The following RUNX1 variants were observed in gnomAD, a reference collection of about 807,000 sequenced individuals.
The protein encoded by RUNX1 is RUNX family transcription factor 1, also known as runt-related transcription factor 1.
A neutral mutation model predicts 42.8 loss-of-function variants in RUNX1; 19 were observed. The ratio of observed to expected loss-of-function variants is 0.44; its 90% CI spans 0.31 to 0.65. RUNX1 has a LOEUF of 0.65. Ranked by LOEUF, RUNX1 falls within the 30% of genes least tolerant of loss-of-function variation. RUNX1 has a pLI of 0.07. For synonymous variants in RUNX1, 271 were observed against 289.4 expected, an observed-to-expected ratio of 0.94 and a Z score of 0.64; for missense variants, 528 against 672.0, an observed-to-expected ratio of 0.79 and a Z score of 2.37.
intron 2 of RUNX1, among the ~76,000 whole-genome samples, chr21:34,943,072 G>T (rs998365062): frequency 5.9e-5 from 9 of 152,124 alleles, no homozygotes; most frequent in African/African-American, 2.2e-4. Flanking sequence ...AGCAGTTGGG[G>T]GATATGGAAA....
At chr21:34,867,579 G>A (rs898223212) in intron 5 of RUNX1, among the ~76,000 whole-genome samples, 1 of 152,210 alleles carries the variant, frequency 6.6e-6, no homozygotes, top group Admixed American at 6.5e-5. Context: ...GAAAAGCTCA[G>A]GTTTGCAAAA....
At chr21:35,009,784 A>G (rs932285) in intron 2 of RUNX1, among the ~76,000 whole-genome samples, 27,460 of 152,190 alleles carry the variant, frequency 0.18, 3,026 homozygotes, top group African/African-American at 0.3. Context: ...GAAACTAAAT[A>G]CTTAAAGGGT....
chr21:34,975,977 T>C (rs2058798734), intron 2 of RUNX1, among the ~76,000 whole-genome samples: 2 of 152,148 alleles, frequency 1.3e-5, no homozygotes, highest in African/African-American at 2.4e-5. Flanking sequence ...TTGTGTTTTA[T>C]CTGCAGAAGA....
intron 7 of RUNX1, chr21:34,821,817 AAG>A: frequency 1.2e-6 from 1 of 818,812 alleles, no homozygotes; most frequent in South Asian, 3.0e-5. Flanking sequence ...GGAAATCAGG[AAG>A]AGATTCTGGA....
At chr21:34,914,384 T>C (rs1287116575) in intron 2 of RUNX1, among the ~76,000 whole-genome samples, 1 of 152,196 alleles carries the variant, frequency 6.6e-6, no homozygotes, top group African/African-American at 2.4e-5. Context: ...TCCTGACATT[T>C]TGGCTTCTGT....
chr21:34,816,282 G>A (rs575606725), intron 7 of RUNX1, among the ~76,000 whole-genome samples: 5 of 152,292 alleles, frequency 3.3e-5, no homozygotes, highest in South Asian at 4.1e-4. Context: ...GGCTAGGTTC[G>A]TGGGGGTCCT....
rs1014210992 is a variant in RUNX1 at position 34,875,287 on chromosome 21, C to T, written c.508+5270G>A. 7.2e-5 allele frequency among the ~76,000 whole-genome samples: 11 copies of T among 152,144 alleles called. No individual in the cohort carries two copies. The East Asian group carries it at 9.6e-4, about 13-fold the overall frequency. Reference sequence around the variant, plus strand: ...ATCCTTTTATTGGCAAATGTGAAACCGAAATGAGAAACTTGGTCTCTAGAG... The same window carrying T: ...ATCCTTTTATTGGCAAATGTGAAACTGAAATGAGAAACTTGGTCTCTAGAG... On this transcript the variant is annotated intron_variant, in intron 5 of 8. Coordinates refer to ENST00000675419, the MANE Select transcript of RUNX1 (RefSeq NM_001754.5).
intron 3 of RUNX1, chr21:34,888,160 G>A: frequency 9.4e-7 from 1 of 1,066,468 alleles, no homozygotes; most frequent in African/African-American, 1.6e-5. Context: ...GACTCGGGCA[G>A]CAGCGAGACG....
At chr21:34,905,958 T>G (rs553298563) in intron 2 of RUNX1, among the ~76,000 whole-genome samples, 1 of 152,220 alleles carries the variant, frequency 6.6e-6, no homozygotes, top group South Asian at 2.1e-4. Context: ...ATACCTCACA[T>G]AACTCCTCTA....
chr21:34,889,785 A>G, intron 3 of RUNX1: 1 of 1,140,338 alleles, frequency 8.8e-7, no homozygotes, highest in Non-Finnish European at 1.1e-6. Context: ...GTGCGCTGCC[A>G]ACTCCGACCC....
chr21:34,982,723 C>T (rs891710276), intron 2 of RUNX1, among the ~76,000 whole-genome samples: 3 of 152,078 alleles, frequency 2.0e-5, no homozygotes, highest in Non-Finnish European at 4.4e-5. Context: ...GCGCGTGCCA[C>T]AACACCCAGC....
chr21:34,995,122 C>A (rs1211287718), intron 2 of RUNX1, among the ~76,000 whole-genome samples: 2 of 152,156 alleles, frequency 1.3e-5, no homozygotes. Flanking sequence ...TGTTGGGGGA[C>A]TGAGGGGTGG....
Position 35,049,162 on chromosome 21 carries a change from G to C in RUNX1, c.-60+6C>G. ...GCCGCCTTGGCTGTGGGTTGGTGAT[G>C]CTCACCACGCTGCGAAACCCTGTGG... On this transcript the variant is annotated splice_donor_region_variant and intron_variant, in intron 1 of 8. Transcript: ENST00000675419. 2.1e-6 allele frequency: 1 copy of C among 482,948 alleles called. No individual in the cohort carries two copies. 29.9% of individuals were successfully genotyped at this position (482,948 alleles called of 1,614,324 possible).
At chr21:35,022,847 A>T (rs1207827896) in intron 2 of RUNX1, among the ~76,000 whole-genome samples, 2 of 151,492 alleles carry the variant, frequency 1.3e-5, no homozygotes, top group African/African-American at 2.4e-5. Flanking sequence ...GTGAGCCGAG[A>T]TCGCGCCAGT....
intron 2 of RUNX1, among the ~76,000 whole-genome samples, chr21:34,980,489 G>A (rs1476650894): frequency 1.3e-5 from 2 of 152,130 alleles, no homozygotes; most frequent in Non-Finnish European, 2.9e-5. Flanking sequence ...CACTTTTCCC[G>A]AAATCTCTCT....
chr21:34,953,955 C>T (rs1293885744), intron 2 of RUNX1, among the ~76,000 whole-genome samples: 1 of 152,194 alleles, frequency 6.6e-6, no homozygotes, highest in Non-Finnish European at 1.5e-5. Context: ...AGAAGTTGAG[C>T]TTAAGTGATG....
chr21:35,047,873 C>T (rs138712577), intron 2 of RUNX1, among the ~76,000 whole-genome samples: 13 of 152,324 alleles, frequency 8.5e-5, no homozygotes, highest in Admixed American at 1.3e-4. Flanking sequence ...CCGACGCACA[C>T]GGCAATGCCT....
chr21:34,890,164 C>G (rs2058063209), intron 3 of RUNX1, among the ~76,000 whole-genome samples: 1 of 151,912 alleles, frequency 6.6e-6, no homozygotes, highest in Admixed American at 6.6e-5. Context: ...CGGGCCCGGA[C>G]TGCGCGGAGC....
At position 35,034,904 on chromosome 21, in the gene RUNX1, G is replaced by A. The variant is rs115132725; in HGVS notation, c.58+13938C>T. On this transcript the variant is annotated intron_variant, in intron 2 of 8. Transcript: ENST00000675419. ...ACAATGGCACATCAGCCAGGGCTGA[G>A]ACCCCTACTCAGCCTGAGTCTGTTC... is the stretch of plus-strand genomic sequence containing the variant. 6.8e-3 allele frequency among the ~76,000 whole-genome samples: 1,041 copies of A among 152,292 alleles called. 15 individuals are homozygous for A. The highest frequency in any genetic ancestry group is 0.024 in the African/African-American group (982 of 41,554).
Sources: gnomAD v4.1 joint callset for allele counts (sites outside exome capture counted in the v4.1 genomes callset) on GRCh38, gnomAD v4.1.1 for gene constraint, MANE v1.5 for transcripts, NCBI Gene and HGNC (gene_info 2026-07-23, HGNC 2026-07-21) for gene names.